ATP2C1: variants seen among roughly 807,000 people sequenced by gnomAD.
The protein encoded by ATP2C1 is ATPase secretory pathway Ca2+ transporting 1.
ATP2C1 carries 31 observed loss-of-function variants against 120.5 expected under a neutral mutation model. The ratio of observed to expected loss-of-function variants is 0.26; its 90% CI spans 0.19 to 0.35. The LOEUF (loss-of-function observed/expected upper bound fraction) is 0.35, where lower values mean the gene tolerates loss of function less well. Ranked by LOEUF, ATP2C1 falls within the 10% of genes least tolerant of loss-of-function variation. The pLI, the probability that ATP2C1 is intolerant of heterozygous loss-of-function variation, is 1.00. For synonymous variants in ATP2C1, 351 were observed against 358.7 expected, an observed-to-expected ratio of 0.98 and a Z score of 0.24; for missense variants, 731 against 1,107.5, an observed-to-expected ratio of 0.66 and a Z score of 4.83.
At position 130,879,821 on chromosome 3, in the gene ATP2C1, G is replaced by A. The variant is rs115968475; in HGVS notation, c.108+28893G>A. On this transcript the variant is annotated intron_variant, in intron 1 of 26. Transcript: ENST00000504381. Reference sequence around the variant, plus strand: ...TTTGGCTGTCATCAACATCAGTGGTGTCTGCAAGTTCCTCAGTGGCTTAGA... The same window carrying A: ...TTTGGCTGTCATCAACATCAGTGGTATCTGCAAGTTCCTCAGTGGCTTAGA... 8.7e-3 allele frequency among the ~76,000 whole-genome samples: 1,324 copies of A among 152,306 alleles called. 6 individuals carry two copies. The highest frequency in any genetic ancestry group is 0.024 in the Middle Eastern group (7 of 294).
chr3:130,977,036 AG>A (rs578094407), intron 18 of ATP2C1, among the ~76,000 whole-genome samples: 38 of 152,282 alleles, frequency 2.5e-4, no homozygotes, highest in African/African-American at 7.0e-4. Context: ...CACCTCAGCT[AG>A]GGAAAGAGAA....
At chr3:130,946,655 T>C (rs1277048513) in intron 8 of ATP2C1, among the ~76,000 whole-genome samples, 2 of 152,226 alleles carry the variant, frequency 1.3e-5, no homozygotes, top group Non-Finnish European at 2.9e-5. Context: ...TCTGATTTCC[T>C]GAGTTAATAA....
intron 1 of ATP2C1, among the ~76,000 whole-genome samples, chr3:130,878,370 AATGTT>A (rs1380044720): frequency 2.0e-5 from 3 of 152,040 alleles, no homozygotes; most frequent in Admixed American, 2.0e-4. Flanking sequence ...TTGTTTTCGG[AATGTT>A]TTGTGTACCC....
chr3:130,975,261 T>C (rs1455294857), intron 17 of ATP2C1, 71 bp from the exon 18 acceptor site: 3 of 1,470,810 alleles, frequency 2.0e-6, no homozygotes, highest in African/African-American at 2.8e-5. Context: ...GAATGCCACT[T>C]AATTTTGGAC....
chr3:131,007,476 T>C (rs978309158), downstream of ATP2C1, among the ~76,000 whole-genome samples: 1 of 152,216 alleles, frequency 6.6e-6, no homozygotes, highest in Non-Finnish European at 1.5e-5. Context: ...AATAGTTGCA[T>C]TGCTCTACTT....
chr3:130,967,294 A>G, intron 15 of ATP2C1, 36 bp from the exon 16 acceptor site: 5 of 1,611,782 alleles, frequency 3.1e-6, no homozygotes, highest in Non-Finnish European at 4.2e-6. Flanking sequence ...CTTAAGACAC[A>G]GTGATAGGTT....
intron 1 of ATP2C1, among the ~76,000 whole-genome samples, chr3:130,888,248 A>C (rs937341567): frequency 6.6e-6 from 1 of 152,042 alleles, no homozygotes; most frequent in African/African-American, 2.4e-5. Flanking sequence ...TACGCAGAGG[A>C]GTCACTTTTG....
chr3:130,969,531 C>T (rs548967051), intron 17 of ATP2C1, 135 bp downstream of exon 17: 1 of 701,976 alleles, frequency 1.4e-6, no homozygotes, highest in African/African-American at 1.8e-5. Context: ...ATTAATAGTA[C>T]ACTCATCTCT....
At chr3:130,915,196 C>T (rs1239737707) in intron 2 of ATP2C1, among the ~76,000 whole-genome samples, 2 of 151,700 alleles carry the variant, frequency 1.3e-5, no homozygotes, top group African/African-American at 2.4e-5. Flanking sequence ...TGGGTTCAAG[C>T]GATTCTCTTG....
At chr3:130,995,517 C>T (rs1236632653) in intron 22 of ATP2C1, among the ~76,000 whole-genome samples, 1 of 151,966 alleles carries the variant, frequency 6.6e-6, no homozygotes, top group African/African-American at 2.4e-5. Context: ...GTATCTTCTT[C>T]AGAATAAGAA....
At chr3:130,919,493 A>G (rs1559922967) in intron 2 of ATP2C1, among the ~76,000 whole-genome samples, 2 of 152,170 alleles carry the variant, frequency 1.3e-5, no homozygotes, top group Non-Finnish European at 2.9e-5. Flanking sequence ...TGCTAGGATT[A>G]CAGGCATGAG....
intron 9 of ATP2C1, among the ~76,000 whole-genome samples, chr3:130,954,785 C>T (rs776128301): frequency 1.3e-5 from 2 of 152,094 alleles, no homozygotes; most frequent in Non-Finnish European, 2.9e-5. Context: ...CAGCACCCGG[C>T]CAGCAATACG....
intron 1 of ATP2C1, among the ~76,000 whole-genome samples, chr3:130,874,699 C>T (rs1393138977): frequency 5.3e-5 from 8 of 152,114 alleles, no homozygotes; most frequent in Admixed American, 2.6e-4. Context: ...TTGGCTTCTT[C>T]GAGTCACTAC....
At chr3:130,857,612 C>G (rs1170982494) in intron 1 of ATP2C1, among the ~76,000 whole-genome samples, 1 of 152,204 alleles carries the variant, frequency 6.6e-6, no homozygotes, top group African/African-American at 2.4e-5. Context: ...AACACTACCA[C>G]CTAGCCCCAT....
chr3:130,915,275 G>T (rs887359215), intron 2 of ATP2C1, among the ~76,000 whole-genome samples: 2 of 151,918 alleles, frequency 1.3e-5, no homozygotes, highest in Non-Finnish European at 2.9e-5. Flanking sequence ...TGTATTTGTA[G>T]TAGAGACAGG....
At position 130,947,017 on chromosome 3, in the gene ATP2C1, A is replaced by G. The variant is rs116709604; in HGVS notation, c.531+5318A>G. 4.7e-3 allele frequency among the ~76,000 whole-genome samples: 715 copies of G among 152,344 alleles called. 5 individuals are homozygous for G. Among genetic ancestry groups the G allele is most frequent in the African/African-American group, 0.016 (652 of 41,578 alleles). ...GCAAACAACTGTGATTCAAAGAATG[A>G]TATGTGTCTGCTCATGAAATGAATT... On this transcript the variant is annotated intron_variant, in intron 8 of 27. Transcript: ENST00000510168.
At chr3:130,996,244 G>A (rs1320059676) in intron 23 of ATP2C1, 133 bp downstream of exon 23, 19 of 743,900 alleles carry the variant, frequency 2.6e-5, no homozygotes, top group Non-Finnish European at 4.5e-5. Context: ...TTTCCAAAAA[G>A]AAAATTTATT....
chr3:130,998,366 A>T lies in ATP2C1; in HGVS notation c.2464A>T (p.Asn822Tyr). Reference protein sequence around the residue: ...FTCFVFFDMFNALSSRSQTKS... With the variant: ...FTCFVFFDMFYALSSRSQTKS... Reference sequence around the variant, plus strand: ...ATGCTTTGTGTTTTTTGACATGTTCAATGCACTAAGTTCCAGATCCCAGGT... The same window carrying T: ...ATGCTTTGTGTTTTTTGACATGTTCTATGCACTAAGTTCCAGATCCCAGGT... Residue 822 changes from asparagine (N) to tyrosine (Y), a missense_variant, in exon 26 of 28, where the codon AAT (asparagine) becomes TAT (tyrosine). Around this residue, in one of 3 missense-constraint regions of ATP2C1, gnomAD observed 141 missense variants for 201.6 expected, o/e 0.70. Transcript: ENST00000510168. The T allele has an allele frequency of 6.2e-7, 1 of 1,609,342 alleles. No homozygotes were observed. The highest frequency in any genetic ancestry group is 8.5e-7 in the Non-Finnish European group (1 of 1,175,648).
chr3:130,893,032 T>C (rs1002542778), upstream of ATP2C1, among the ~76,000 whole-genome samples: 3 of 152,198 alleles, frequency 2.0e-5, no homozygotes, highest in Admixed American at 1.3e-4. Context: ...TCTTTTGAGT[T>C]CTCTGTAGGA....
Sources: gnomAD v4.1 joint callset for allele counts (sites outside exome capture counted in the v4.1 genomes callset) on GRCh38, gnomAD v4.1.1 for gene constraint, gnomAD v4.1.1 regional missense constraint, MANE v1.5 for transcripts, NCBI Gene and HGNC (gene_info 2026-07-23, HGNC 2026-07-21) for gene names.